NCAM2: variants seen among roughly 807,000 people sequenced by gnomAD.
The protein encoded by NCAM2 is neural cell adhesion molecule 2, also known as N-CAM-2.
A neutral mutation model predicts 98.1 loss-of-function variants in NCAM2; 30 were observed. The ratio of observed to expected loss-of-function variants is 0.31; its 90% CI spans 0.23 to 0.41. NCAM2 has a LOEUF of 0.41. NCAM2 is among the 10% of genes least tolerant of loss of function. The pLI is 1.00. For missense variants in NCAM2, 867 were observed against 1,005.8 expected (o/e 0.86, Z 1.87); for synonymous variants, 368 against 342.4 (o/e 1.07, Z -0.83).
chr21:21,472,779 C>T (rs1392460091), intron 14 of NCAM2, among the ~76,000 whole-genome samples: 2 of 151,868 alleles, frequency 1.3e-5, no homozygotes, highest in Non-Finnish European at 2.9e-5. Context: ...GCCTTAAGTA[C>T]TATGTGGGTG....
intron 1 of NCAM2, among the ~76,000 whole-genome samples, chr21:21,006,455 G>A (rs947679521): frequency 5.3e-5 from 8 of 152,136 alleles, no homozygotes; most frequent in African/African-American, 1.7e-4. Flanking sequence ...GCTGCACCAA[G>A]CAGAGATAGC....
intron 10 of NCAM2, among the ~76,000 whole-genome samples, chr21:21,412,063 A>G (rs2076897575): frequency 6.6e-6 from 1 of 152,106 alleles, no homozygotes; most frequent in Non-Finnish European, 1.5e-5. Flanking sequence ...GTCTCCTTGA[A>G]TACTTTAATA....
chr21:21,253,186 C>T (rs1297819776), intron 1 of NCAM2, among the ~76,000 whole-genome samples: 2 of 152,180 alleles, frequency 1.3e-5, no homozygotes, highest in Non-Finnish European at 2.9e-5. Flanking sequence ...CTCTCACATT[C>T]TTTCCTGAAT....
intron 11 of NCAM2, among the ~76,000 whole-genome samples, chr21:21,425,101 C>T (rs561752429): frequency 3.7e-4 from 47 of 128,032 alleles, no homozygotes; most frequent in African/African-American, 1.2e-3. Flanking sequence ...TGGTATACAA[C>T]GAGGGAAATT....
chr21:21,038,055 G>T (rs1423513123), intron 1 of NCAM2, among the ~76,000 whole-genome samples: 1 of 152,120 alleles, frequency 6.6e-6, no homozygotes, highest in Non-Finnish European at 1.5e-5. Flanking sequence ...TATTGGATAT[G>T]ATCCCTCCTC....
intron 16 of NCAM2, among the ~76,000 whole-genome samples, chr21:21,530,146 T>C (rs1006986372): frequency 2.1e-5 from 3 of 142,076 alleles, no homozygotes; most frequent in Admixed American, 7.2e-5. Context: ...TAATTTAATT[T>C]AATTATATAT....
At chr21:21,170,374 G>A (rs1002025089) in intron 1 of NCAM2, among the ~76,000 whole-genome samples, 2 of 152,152 alleles carry the variant, frequency 1.3e-5, no homozygotes, top group African/African-American at 2.4e-5. Flanking sequence ...CCAGATAATG[G>A]AATATTATTC....
intron 1 of NCAM2, among the ~76,000 whole-genome samples, chr21:21,057,831 T>C (rs1319619486): frequency 6.6e-6 from 1 of 152,106 alleles, no homozygotes; most frequent in African/African-American, 2.4e-5. Flanking sequence ...CTGTGAGTCC[T>C]TTAACAGCTA....
intron 8 of NCAM2, among the ~76,000 whole-genome samples, chr21:21,364,789 TGTG>T (rs1283325795): frequency 6.6e-6 from 1 of 152,026 alleles, no homozygotes; most frequent in Non-Finnish European, 1.5e-5. Context: ...GGTGACAAAA[TGTG>T]GTCACTAGAT....
intron 1 of NCAM2, among the ~76,000 whole-genome samples, chr21:21,107,120 C>T (rs750029637): frequency 3.3e-5 from 5 of 152,028 alleles, no homozygotes; most frequent in Non-Finnish European, 5.9e-5. Context: ...GTTCTTAAAA[C>T]GTCTGGTAAT....
At chr21:21,040,967 G>A (rs6518048) in intron 1 of NCAM2, among the ~76,000 whole-genome samples, 141,761 of 152,212 alleles carry the variant, frequency 0.93, 66,837 homozygotes, top group East Asian at 1. Flanking sequence ...TTGAGGGGGT[G>A]GATATGCAAA....
At chr21:21,370,643 G>T (rs1264311472) in intron 8 of NCAM2, among the ~76,000 whole-genome samples, 2 of 151,798 alleles carry the variant, frequency 1.3e-5, no homozygotes, top group Non-Finnish European at 2.9e-5. Context: ...TGCTACTCAG[G>T]TGGTAAATCA....
At position 21,167,480 on chromosome 21, in the gene NCAM2, A is replaced by G. The variant is rs73334342; in HGVS notation, c.56-113098A>G. Among the ~76,000 whole-genome samples the G allele has an allele frequency of 4.0e-3, 612 of 152,274 alleles. 10 individuals carry two copies. The highest frequency in any genetic ancestry group is 0.014 in the African/African-American group (588 of 41,574). Reference sequence around the variant, plus strand: ...TTACCTAAAGTAAGCATAATAAAACAAATACATCAATGAAATTTAAAACAG... The same window carrying G: ...TTACCTAAAGTAAGCATAATAAAACGAATACATCAATGAAATTTAAAACAG... On this transcript the variant is annotated intron_variant, in intron 1 of 17. Transcript: ENST00000400546.
chr21:21,036,195 T>A (rs1432683864), intron 1 of NCAM2, among the ~76,000 whole-genome samples: 1 of 152,164 alleles, frequency 6.6e-6, no homozygotes, highest in African/African-American at 2.4e-5. Flanking sequence ...TGATCCCCAC[T>A]CACTGTGAAA....
rs746077725 is a variant in NCAM2 at position 21,373,854 on chromosome 21, T to C, written c.1045-9T>C. On this transcript the variant is annotated splice_polypyrimidine_tract_variant and intron_variant, in intron 8 of 17. Transcript: ENST00000400546. ...AAAATCTTTCTTTTTCCTGAATCGATGTAAACAGAGCCTGGACGGCCGTAT... is the reference window on the plus strand; with the variant it reads ...AAAATCTTTCTTTTTCCTGAATCGACGTAAACAGAGCCTGGACGGCCGTAT... 3 of 1,597,154 alleles carry C rather than the reference T, an allele frequency of 1.9e-6. No homozygotes were observed. Among genetic ancestry groups the C allele is most frequent in the Admixed American group, 3.5e-5 (2 of 56,874 alleles).
At chr21:21,161,579 G>C (rs201234281) in intron 1 of NCAM2, among the ~76,000 whole-genome samples, 3 of 142,258 alleles carry the variant, frequency 2.1e-5, no homozygotes, top group African/African-American at 7.8e-5. Flanking sequence ...GTGTGTGTGT[G>C]TATGTGAGAG....
chr21:21,007,471 G>A (rs1244657066), intron 1 of NCAM2, among the ~76,000 whole-genome samples: 1 of 152,126 alleles, frequency 6.6e-6, no homozygotes, highest in African/African-American at 2.4e-5. Context: ...GAGGTCTGCT[G>A]GTTGCCCATT....
chr21:21,489,873 G>A (rs888339608), intron 15 of NCAM2, among the ~76,000 whole-genome samples: 2 of 151,968 alleles, frequency 1.3e-5, no homozygotes, highest in Non-Finnish European at 2.9e-5. Context: ...CATATAAATT[G>A]GAGTATTATT....
intron 16 of NCAM2, among the ~76,000 whole-genome samples, chr21:21,516,699 T>A (rs1000465193): frequency 2.3e-4 from 35 of 152,260 alleles, no homozygotes; most frequent in African/African-American, 8.2e-4. Flanking sequence ...CCTCACTGCT[T>A]AATCTCTTCT....
Sources: allele counts gnomAD v4.1 joint callset (sites outside exome capture counted in the v4.1 genomes callset), GRCh38; gene constraint gnomAD v4.1.1; transcripts MANE v1.5; gene names NCBI Gene and HGNC (gene_info 2026-07-23, HGNC 2026-07-21).